ARHGAP24: variants seen among roughly 807,000 people sequenced by gnomAD.
ARHGAP24 encodes the protein Rho GTPase activating protein 24.
Under a neutral mutation model 76.4 loss-of-function variants are expected in ARHGAP24, and 50 were observed. That is an observed-to-expected ratio of 0.65 (90% confidence interval 0.52 to 0.83). ARHGAP24 has a LOEUF of 0.83. ARHGAP24 is among the 40% of genes least tolerant of loss of function. ARHGAP24 has a pLI of 0.00. For synonymous variants in ARHGAP24, 345 were observed against 323.3 expected (o/e 1.07, Z -0.72); for missense variants, 930 against 914.2 (o/e 1.02, Z -0.22).
At chr4:85,962,615 C>A (rs1486534499) in intron 5 of ARHGAP24, among the ~76,000 whole-genome samples, 1 of 151,924 alleles carries the variant, frequency 6.6e-6, no homozygotes, top group Non-Finnish European at 1.5e-5. Flanking sequence ...CCTGAATTGG[C>A]AATATCTACC....
intron 1 of ARHGAP24, among the ~76,000 whole-genome samples, chr4:85,554,384 A>G (rs921223090): frequency 6.6e-6 from 1 of 152,200 alleles, no homozygotes. Context: ...CATGGATAAT[A>G]TCTTAAAATA....
chr4:85,687,432 C>A (rs1723465859), intron 2 of ARHGAP24, among the ~76,000 whole-genome samples: 1 of 152,070 alleles, frequency 6.6e-6, no homozygotes, highest in Admixed American at 6.6e-5. Context: ...TACTCTCTCC[C>A]CGCTTTAGTA....
chr4:85,922,481 A>T (rs1022864290), intron 3 of ARHGAP24, among the ~76,000 whole-genome samples: 1 of 152,232 alleles, frequency 6.6e-6, no homozygotes, highest in Non-Finnish European at 1.5e-5. Context: ...CAACACTCAG[A>T]TATGAATTAA....
intron 3 of ARHGAP24, among the ~76,000 whole-genome samples, chr4:85,879,962 C>T (rs935768408): frequency 6.6e-6 from 1 of 152,092 alleles, no homozygotes; most frequent in Admixed American, 6.5e-5. Flanking sequence ...GTTTACACTC[C>T]TATGAGAATC....
intron 5 of ARHGAP24, among the ~76,000 whole-genome samples, chr4:85,957,131 C>T (rs947531851): frequency 1.3e-5 from 2 of 149,496 alleles, no homozygotes; most frequent in African/African-American, 4.9e-5. Context: ...AGTCACCTTC[C>T]CAGCTATGCT....
chr4:85,893,871 T>G (rs1578354219), intron 3 of ARHGAP24, among the ~76,000 whole-genome samples: 1 of 142,538 alleles, frequency 7.0e-6, no homozygotes, highest in African/African-American at 2.6e-5. Context: ...ACACCGCATA[T>G]TCTCACTCAT....
chr4:85,585,664 G>A (rs572425562), intron 2 of ARHGAP24, among the ~76,000 whole-genome samples: 6 of 152,180 alleles, frequency 3.9e-5, no homozygotes, highest in South Asian at 2.1e-4. Flanking sequence ...GAAGATGTTC[G>A]TTCTTGCTTT....
intron 9 of ARHGAP24, 37 bp from the exon 10 acceptor site, chr4:86,000,442 C>CGGGGGGGGGGGGGGGGGGGGG (rs1740941432): frequency 2.5e-6 from 2 of 807,894 alleles, no homozygotes; most frequent in Non-Finnish European, 3.9e-6. Flanking sequence ...CTTACTCTTG[C>CGGGGGGGGGGGGGGGGGGGGG]GTCCCCACCC....
At chr4:85,685,569 T>A (rs886561613) in intron 2 of ARHGAP24, among the ~76,000 whole-genome samples, 14 of 149,600 alleles carry the variant, frequency 9.4e-5, no homozygotes, top group African/African-American at 3.5e-4. Flanking sequence ...GGAGGTGGAG[T>A]TTGCAGTTAG....
intron 2 of ARHGAP24, among the ~76,000 whole-genome samples, chr4:85,656,437 G>A (rs1429120940): frequency 2.6e-5 from 4 of 152,018 alleles, no homozygotes; most frequent in Non-Finnish European, 4.4e-5. Flanking sequence ...ATCAATTAGT[G>A]TATCTTATAT....
intron 8 of ARHGAP24, among the ~76,000 whole-genome samples, chr4:85,988,673 G>GA (rs1240881331): frequency 1.3e-5 from 2 of 151,248 alleles, no homozygotes; most frequent in Non-Finnish European, 3.0e-5. Context: ...GCAACAAGTA[G>GA]AAAAAAATAC....
intron 3 of ARHGAP24, among the ~76,000 whole-genome samples, chr4:85,848,680 A>T (rs345326): frequency 1.3e-5 from 2 of 152,078 alleles, no homozygotes; most frequent in African/African-American, 4.8e-5. Context: ...GCCAGTTTGC[A>T]CAACGCCATT....
chr4:85,503,255 T>G (rs988346726), intron 1 of ARHGAP24, among the ~76,000 whole-genome samples: 2 of 152,314 alleles, frequency 1.3e-5, no homozygotes. Context: ...GAGGATTCCC[T>G]CTTTTTCTAT....
intron 3 of ARHGAP24, among the ~76,000 whole-genome samples, chr4:85,841,735 TA>T (rs1560664977): frequency 6.6e-6 from 1 of 152,206 alleles, no homozygotes; most frequent in Non-Finnish European, 1.5e-5. Context: ...TACACCTGTA[TA>T]TAAAACACAT....
intron 1 of ARHGAP24, among the ~76,000 whole-genome samples, chr4:85,501,602 T>G (rs1218591578): frequency 1.3e-5 from 2 of 152,210 alleles, no homozygotes; most frequent in African/African-American, 4.8e-5. Flanking sequence ...TTTAAGTTCT[T>G]TGTAGAATTT....
At chr4:85,498,729 G>A (rs775995111) in intron 1 of ARHGAP24, among the ~76,000 whole-genome samples, 4 of 152,292 alleles carry the variant, frequency 2.6e-5, no homozygotes, top group South Asian at 2.1e-4. Flanking sequence ...CAGATTGCTC[G>A]AGTGAGCCTT....
intron 3 of ARHGAP24, among the ~76,000 whole-genome samples, chr4:85,728,539 C>T (rs1349149211): frequency 6.6e-6 from 1 of 152,074 alleles, no homozygotes; most frequent in Non-Finnish European, 1.5e-5. Context: ...TTCAGTTGTT[C>T]TTTCTCCTGT....
intron 3 of ARHGAP24, among the ~76,000 whole-genome samples, chr4:85,836,124 TTTG>T (rs1436876514): frequency 6.6e-6 from 1 of 152,224 alleles, no homozygotes; most frequent in Non-Finnish European, 1.5e-5. Flanking sequence ...ACCTCCATCT[TTTG>T]TTGTTACCTT....
chr4:85,692,597 G>C (rs1723706922), intron 2 of ARHGAP24, among the ~76,000 whole-genome samples: 1 of 152,056 alleles, frequency 6.6e-6, no homozygotes, highest in Admixed American at 6.5e-5. Context: ...TCTTTCTACA[G>C]GTTGATCTAT....
Sources: gnomAD v4.1 joint callset for allele counts (sites outside exome capture counted in the v4.1 genomes callset) on GRCh38, gnomAD v4.1.1 for gene constraint, MANE v1.5 for transcripts, NCBI Gene and HGNC (gene_info 2026-07-23, HGNC 2026-07-21) for gene names.